The following LRP5 variants were observed in gnomAD, a reference collection of about 807,000 sequenced individuals.
LRP5 encodes the protein low-density lipoprotein receptor-related protein 5.
LRP5 carries 62 observed loss-of-function variants against 154.1 expected under a neutral mutation model. The observed-to-expected ratio is 0.40, with a 90% CI of 0.33 to 0.50. The LOEUF (loss-of-function observed/expected upper bound fraction) is 0.50. Among genes scored for constraint, LRP5 ranks in the 20% least tolerant of loss-of-function variants. The probability of loss-of-function intolerance (pLI) is 0.55; values close to 1 mark genes in which losing one functional copy is unlikely to be tolerated. For missense variants in LRP5, 1,915 were observed against 2,336.7 expected (o/e 0.82, Z 3.72); for synonymous variants, 966 against 1,011.5 (o/e 0.96, Z 0.85).
At chr11:68,432,747 G>A (rs971614320) in intron 17 of LRP5, among the ~76,000 whole-genome samples, 1 of 152,166 alleles carries the variant, frequency 6.6e-6, no homozygotes, top group Admixed American at 6.5e-5. Context: ...GGAAATGGGG[G>A]GCCACCTCGA....
chr11:68,348,104 T>G lies in LRP5; in HGVS notation c.349T>G (p.Trp117Gly). ...LVSPDGLACDWVGKKLYWTDS... is the reference protein window; with the variant it reads ...LVSPDGLACDGVGKKLYWTDS... ...CTCTCCCGACGGCCTCGCCTGCGAC[T>G]GGGTGGGCAAGAAGCTGTACTGGAC... Residue 117 changes from tryptophan to glycine, a missense_variant, in exon 2 of 23, where the codon TGG becomes GGG. Physicochemically the swap from Trp to Gly is radical, Grantham distance 184 (BLOSUM62 -2). Coordinates refer to ENST00000294304, the MANE Select transcript of LRP5 (RefSeq NM_002335.4). 1 of 1,614,112 alleles carries G rather than the reference T, an allele frequency of 6.2e-7. No homozygotes were observed. The highest frequency in any genetic ancestry group is 1.1e-5 in the South Asian group (1 of 91,086).
intron 5 of LRP5, among the ~76,000 whole-genome samples, chr11:68,376,273 C>T (rs1285382378): frequency 6.7e-5 from 10 of 150,012 alleles, no homozygotes; most frequent in Admixed American, 5.3e-4. Flanking sequence ...CCTCTGCCTG[C>T]TGAGCTCAAG....
chr11:68,330,826 T>C (rs2098602328), intron 1 of LRP5, among the ~76,000 whole-genome samples: 1 of 152,186 alleles, frequency 6.6e-6, no homozygotes, highest in Non-Finnish European at 1.5e-5. Flanking sequence ...AGCCTTCTTA[T>C]CCAGGAAATG....
intron 5 of LRP5, among the ~76,000 whole-genome samples, chr11:68,366,800 G>A (rs77181463): frequency 0.015 from 2,350 of 152,228 alleles, 62 homozygotes; most frequent in African/African-American, 0.052. Flanking sequence ...ATGGGGACTT[G>A]GGCGGCCTAG....
intron 5 of LRP5, among the ~76,000 whole-genome samples, chr11:68,382,135 A>G (rs1231746177): frequency 6.6e-6 from 1 of 152,164 alleles, no homozygotes; most frequent in Non-Finnish European, 1.5e-5. Flanking sequence ...TGTCAGAGAC[A>G]CCTCCTTCGA....
At chr11:68,334,122 TA>T (rs2098604371) in intron 1 of LRP5, among the ~76,000 whole-genome samples, 2 of 152,172 alleles carry the variant, frequency 1.3e-5, no homozygotes, top group Non-Finnish European at 2.9e-5. Context: ...TAATCCCAGC[TA>T]TTTGAGAAGC....
At chr11:68,443,350 A>T (rs1185103514) in intron 21 of LRP5, among the ~76,000 whole-genome samples, 1 of 150,396 alleles carries the variant, frequency 6.6e-6, no homozygotes, top group African/African-American at 2.4e-5. Flanking sequence ...TAAAAATTTA[A>T]AAATTAGCCG....
chr11:68,303,429 C>G, the LRP5 span, among the ~76,000 whole-genome samples: 1 of 152,196 alleles, frequency 6.6e-6, no homozygotes, highest in African/African-American at 2.4e-5. Context: ...CCCTAGGGAT[C>G]TGTTGAAGTT....
rs772209531 is a variant in LRP5, at chr11:68,425,312, C to T, written c.3427+20C>T. 1 of 1,595,364 alleles carries T rather than the reference C, an allele frequency of 6.3e-7. No individual in the cohort carries two copies. Among genetic ancestry groups the T allele is most frequent in the East Asian group, 2.3e-5 (1 of 44,398 alleles). On this transcript the variant is annotated intron_variant, in intron 15 of 22. Coordinates refer to ENST00000294304, the MANE Select transcript of LRP5 (RefSeq NM_002335.4). ...TGTCAGGTACGCGCCCCGGGGCCTG[C>T]CCTAACCGCAGACACCCGGCCTTCA...
At chr11:68,344,927 A>G (rs2098611651) in intron 1 of LRP5, among the ~76,000 whole-genome samples, 1 of 123,122 alleles carries the variant, frequency 8.1e-6, no homozygotes, top group Admixed American at 1.1e-4. Context: ...CAGTGGCACG[A>G]TCTCGGTTCA....
intron 2 of LRP5, 55 bp from the exon 3 acceptor site, chr11:68,357,595 A>G: frequency 6.5e-7 from 1 of 1,544,662 alleles, no homozygotes; most frequent in Non-Finnish European, 8.9e-7. Flanking sequence ...CTATGCAGAC[A>G]AAAACAAAAA....
chr11:68,360,106 G>T (rs2098626514), intron 3 of LRP5, among the ~76,000 whole-genome samples: 1 of 151,704 alleles, frequency 6.6e-6, no homozygotes, highest in Admixed American at 6.6e-5. Flanking sequence ...TGACTTCTTG[G>T]GCTCAAGTGT....
chr11:68,409,051 G>GGAAAAAAAA (rs1395621273), intron 9 of LRP5, among the ~76,000 whole-genome samples: 6 of 51,420 alleles, frequency 1.2e-4, no homozygotes, highest in African/African-American at 2.7e-4. Context: ...CTTATCTGGG[G>GGAAAAAAAA]AAAAAAAAAA....
At position 68,449,154 on chromosome 11, in the gene LRP5, A is replaced by G. The variant is rs546035270; in HGVS notation, c.*84A>G. ...AAGAAAAAAATATATTTTATGATTT[A>G]AAAAATAAATATAATTGGGATTTTA... is the stretch of plus-strand genomic sequence containing the variant. On this transcript the variant is annotated 3_prime_UTR_variant, in exon 23 of 23. Coordinates refer to ENST00000294304, the MANE Select transcript of LRP5 (RefSeq NM_002335.4). The G allele has an allele frequency of 5.5e-5, 66 of 1,207,600 alleles. No individual in the cohort carries two copies. In the South Asian group the frequency reaches 1.3e-3, roughly 23 times the overall value. 74.8% of individuals were successfully genotyped at this position (1,207,600 alleles called of 1,614,324 possible).
At chr11:68,424,477 C>T (rs1368399668) in intron 14 of LRP5, among the ~76,000 whole-genome samples, 2 of 152,208 alleles carry the variant, frequency 1.3e-5, no homozygotes, top group Non-Finnish European at 2.9e-5. Context: ...GGCGGAAGCC[C>T]CGGGTCTATA....
At chr11:68,395,500 G>T (rs2098648796) in intron 7 of LRP5, among the ~76,000 whole-genome samples, 1 of 152,090 alleles carries the variant, frequency 6.6e-6, no homozygotes, top group Non-Finnish European at 1.5e-5. Context: ...CAGGGCACGG[G>T]TGTCTTTGGT....
intron 5 of LRP5, among the ~76,000 whole-genome samples, chr11:68,372,862 C>T (rs545879495): frequency 7.2e-5 from 11 of 151,992 alleles, no homozygotes; most frequent in South Asian, 2.1e-4. Context: ...GTGTGCTGGG[C>T]GCTTCAGGCG....
intron 5 of LRP5, among the ~76,000 whole-genome samples, chr11:68,385,937 G>T (rs1020681992): frequency 3.3e-5 from 5 of 152,132 alleles, no homozygotes; most frequent in Admixed American, 1.3e-4. Context: ...TACCCGGCGG[G>T]ACTTGTGGTT....
intron 7 of LRP5, among the ~76,000 whole-genome samples, chr11:68,395,864 T>C (rs1336319996): frequency 6.6e-6 from 1 of 152,144 alleles, no homozygotes; most frequent in Non-Finnish European, 1.5e-5. Flanking sequence ...TGGCCACCGC[T>C]CTTGGGTATG....
Sources: allele counts gnomAD v4.1 joint callset (sites outside exome capture counted in the v4.1 genomes callset), GRCh38; gene constraint gnomAD v4.1.1; transcripts MANE v1.5; gene names NCBI Gene and HGNC (gene_info 2026-07-23, HGNC 2026-07-21).